TBC1D1: variants seen among roughly 807,000 people sequenced by gnomAD.
TBC1D1 encodes TBC1 domain family member 1, also known as TBC1 (tre-2/USP6, BUB2, cdc16) domain family, member 1.
Under a neutral mutation model 125.6 loss-of-function variants are expected in TBC1D1, and 89 were observed. The ratio of observed to expected loss-of-function variants is 0.71; its 90% CI spans 0.60 to 0.85. The LOEUF (loss-of-function observed/expected upper bound fraction) is 0.85. TBC1D1 is among the 40% of genes least tolerant of loss of function. The probability of loss-of-function intolerance (pLI) is 0.00; values close to 1 mark genes in which losing one functional copy is unlikely to be tolerated. For missense variants in TBC1D1, 1,377 were observed against 1,469.2 expected, an observed-to-expected ratio of 0.94 and a Z score of 1.03; for synonymous variants, 565 against 564.1, an observed-to-expected ratio of 1.00 and a Z score of -0.02.
At chr4:38,098,689 G>A (rs1316723069) in intron 14 of TBC1D1, among the ~76,000 whole-genome samples, 4 of 152,070 alleles carry the variant, frequency 2.6e-5, no homozygotes, top group Admixed American at 6.5e-5. Flanking sequence ...AAATGAGGGC[G>A]GTCTATTTTG....
At chr4:37,927,154 TG>T (rs1722299227) in intron 2 of TBC1D1, among the ~76,000 whole-genome samples, 2 of 151,964 alleles carry the variant, frequency 1.3e-5, no homozygotes, top group South Asian at 2.1e-4. Flanking sequence ...ATATTACTGT[TG>T]TAAGTATTAA....
At chr4:37,892,293 G>C (rs1350763779) in intron 1 of TBC1D1, among the ~76,000 whole-genome samples, 3 of 152,140 alleles carry the variant, frequency 2.0e-5, no homozygotes, top group African/African-American at 7.2e-5. Context: ...GCACCCACCT[G>C]TAGTCCCAGC....
At chr4:37,981,132 A>T (rs2152366891) in intron 2 of TBC1D1, among the ~76,000 whole-genome samples, 1 of 152,102 alleles carries the variant, frequency 6.6e-6, no homozygotes, top group Non-Finnish European at 1.5e-5. Context: ...TAGTAGAGAC[A>T]GGGTTTCACC....
intron 12 of TBC1D1, among the ~76,000 whole-genome samples, chr4:38,064,260 C>G (rs566155459): frequency 6.6e-6 from 1 of 152,326 alleles, no homozygotes; most frequent in African/African-American, 2.4e-5. Context: ...ATTGTTTGCA[C>G]TTTTGGCTGT....
chr4:38,119,949 T>A, intron 17 of TBC1D1: 1 of 985,434 alleles, frequency 1.0e-6, no homozygotes, highest in Non-Finnish European at 1.2e-6. Context: ...TCTGGGGCTC[T>A]GGAAGAGAAA....
At chr4:37,939,525 C>A (rs373250694) in intron 2 of TBC1D1, among the ~76,000 whole-genome samples, 4 of 152,244 alleles carry the variant, frequency 2.6e-5, no homozygotes, top group East Asian at 1.9e-4. Context: ...TCTTTAGTTT[C>A]ATTAGATCCC....
chr4:37,997,668 C>T (rs569259202), intron 2 of TBC1D1, among the ~76,000 whole-genome samples: 35 of 152,172 alleles, frequency 2.3e-4, no homozygotes, highest in African/African-American at 7.5e-4. Flanking sequence ...CACCCAGAGA[C>T]CACCACACGT....
At chr4:38,038,908 T>C (rs973219821) in intron 8 of TBC1D1, among the ~76,000 whole-genome samples, 1 of 149,228 alleles carries the variant, frequency 6.7e-6, no homozygotes, top group Non-Finnish European at 1.5e-5. Context: ...GTCGCACCAC[T>C]GCACTCCAGC....
At chr4:38,073,737 G>A (rs1379470616) in intron 12 of TBC1D1, among the ~76,000 whole-genome samples, 4 of 152,124 alleles carry the variant, frequency 2.6e-5, no homozygotes, top group East Asian at 3.9e-4. Context: ...AGTTAAGAGT[G>A]TTGGGGCAGT....
At chr4:38,126,831 C>G (rs1764729273) in intron 18 of TBC1D1, among the ~76,000 whole-genome samples, 2 of 152,194 alleles carry the variant, frequency 1.3e-5, no homozygotes, top group African/African-American at 4.8e-5. Context: ...GGTTCAAACT[C>G]AAGTCCCTCC....
At chr4:38,024,486 G>A (rs921416333) in intron 6 of TBC1D1, among the ~76,000 whole-genome samples, 2 of 152,146 alleles carry the variant, frequency 1.3e-5, no homozygotes, top group African/African-American at 2.4e-5. Context: ...TTTTGCTGCC[G>A]TCGTTTTGGA....
intron 2 of TBC1D1, among the ~76,000 whole-genome samples, chr4:37,979,040 C>T (rs1182405193): frequency 6.6e-6 from 1 of 152,108 alleles, no homozygotes; most frequent in East Asian, 1.9e-4. Flanking sequence ...CCACTCCCAG[C>T]TAATTTTTGT....
chr4:38,118,092 C>T lies in TBC1D1; in HGVS notation c.2862C>T (p.His954=). Residue 954 remains histidine, a synonymous_variant, in exon 17 of 20, where the codon CAC becomes CAT. Transcript: ENST00000261439. ...ATTACCACAGAGACCTCTACAATCA[C>T]CTGGAGGAGCACGAGATCGGCCCCA... The T allele has an allele frequency of 6.2e-7, 1 of 1,614,188 alleles. No homozygotes were observed. The highest frequency in any genetic ancestry group is 1.7e-5 in the Admixed American group (1 of 60,026).
intron 1 of TBC1D1, among the ~76,000 whole-genome samples, chr4:37,899,800 G>GTAAGA (rs1715444502): frequency 6.6e-6 from 1 of 152,166 alleles, no homozygotes; most frequent in East Asian, 1.9e-4. Flanking sequence ...AACCAGAAAG[G>GTAAGA]TAAGATAAGA....
intron 12 of TBC1D1, among the ~76,000 whole-genome samples, chr4:38,068,439 G>A (rs1037526163): frequency 2.0e-5 from 3 of 152,074 alleles, no homozygotes; most frequent in East Asian, 1.9e-4. Context: ...CATTAACAGC[G>A]ACAGACTTCT....
At chr4:38,006,155 C>CT (rs750385492) in intron 2 of TBC1D1, among the ~76,000 whole-genome samples, 1 of 151,686 alleles carries the variant, frequency 6.6e-6, no homozygotes, top group East Asian at 1.9e-4. Flanking sequence ...ATTAAATCTC[C>CT]TTTTTTATGG....
chr4:38,090,218 G>A (rs899889240), intron 13 of TBC1D1, 101 bp downstream of exon 15: 9 of 1,135,926 alleles, frequency 7.9e-6, no homozygotes, highest in Admixed American at 2.1e-5. Context: ...ACAGCAGCAC[G>A]ATAGTCTAAT....
chr4:38,034,875 A>G (rs1459533905), intron 7 of TBC1D1, among the ~76,000 whole-genome samples: 3 of 152,204 alleles, frequency 2.0e-5, no homozygotes, highest in Non-Finnish European at 4.4e-5. Flanking sequence ...TTTCAAATCC[A>G]AAGCATTTGG....
intron 1 of TBC1D1, among the ~76,000 whole-genome samples, chr4:37,892,280 G>A (rs1313852921): frequency 6.6e-6 from 1 of 152,146 alleles, no homozygotes; most frequent in Non-Finnish European, 1.5e-5. Flanking sequence ...GCTAGGGGTG[G>A]TGGCACCCAC....
Sources: gnomAD v4.1 joint callset for allele counts (sites outside exome capture counted in the v4.1 genomes callset) on GRCh38, gnomAD v4.1.1 for gene constraint, MANE v1.5 for transcripts, NCBI Gene and HGNC (gene_info 2026-07-23, HGNC 2026-07-21) for gene names.